The following GPC6 variants were observed in gnomAD, a reference collection of about 807,000 sequenced individuals.
GPC6 encodes glypican 6, also known as glypican-6.
GPC6 carries 14 observed loss-of-function variants against 55.2 expected under a neutral mutation model. The ratio of observed to expected loss-of-function variants is 0.25; its 90% CI spans 0.17 to 0.40. The LOEUF is 0.40. GPC6 is among the 10% of genes least tolerant of loss of function. GPC6 has a pLI of 1.00. For missense variants in GPC6, 641 were observed against 708.5 expected, an observed-to-expected ratio of 0.90 and a Z score of 1.08; for synonymous variants, 278 against 259.6, an observed-to-expected ratio of 1.07 and a Z score of -0.68.
chr13:93,489,163 G>T (rs1330028451), intron 1 of GPC6, among the ~76,000 whole-genome samples: 1 of 151,468 alleles, frequency 6.6e-6, no homozygotes, highest in African/African-American at 2.4e-5. Flanking sequence ...TGTAAGGAAA[G>T]GATCCAGTTT....
chr13:93,436,766 G>A (rs1594168387), intron 1 of GPC6, among the ~76,000 whole-genome samples: 1 of 152,156 alleles, frequency 6.6e-6, no homozygotes, highest in East Asian at 1.9e-4. Context: ...ACTGCAACAG[G>A]TCATATTCTA....
intron 1 of GPC6, among the ~76,000 whole-genome samples, chr13:93,362,194 T>C (rs1470303040): frequency 6.6e-6 from 1 of 152,190 alleles, no homozygotes; most frequent in Non-Finnish European, 1.5e-5. Context: ...GCAAGCTCAG[T>C]GGAAGCACTC....
At chr13:93,622,028 C>T (rs530629976) in intron 2 of GPC6, among the ~76,000 whole-genome samples, 37 of 152,214 alleles carry the variant, frequency 2.4e-4, no homozygotes, top group African/African-American at 8.7e-4. Context: ...ACCCAGACAC[C>T]CTTCCCAGCT....
At chr13:94,158,931 T>C (rs1002598795) in intron 4 of GPC6, among the ~76,000 whole-genome samples, 3 of 152,144 alleles carry the variant, frequency 2.0e-5, no homozygotes, top group Non-Finnish European at 4.4e-5. Flanking sequence ...TATCCCCCAA[T>C]ATTAATTCAC....
At chr13:93,766,084 T>C (rs1238966006) in intron 2 of GPC6, among the ~76,000 whole-genome samples, 2 of 152,190 alleles carry the variant, frequency 1.3e-5, no homozygotes, top group Non-Finnish European at 2.9e-5. Flanking sequence ...TTTGCAGTCA[T>C]GTGCAAAGAA....
intron 2 of GPC6, among the ~76,000 whole-genome samples, chr13:93,755,357 A>T (rs901111981): frequency 6.6e-6 from 1 of 152,164 alleles, no homozygotes; most frequent in Non-Finnish European, 1.5e-5. Flanking sequence ...CTGCAAAAAA[A>T]TCCACCACTT....
chr13:93,785,509 A>G (rs898628585), intron 2 of GPC6, among the ~76,000 whole-genome samples: 10 of 152,200 alleles, frequency 6.6e-5, no homozygotes, highest in African/African-American at 2.4e-4. Flanking sequence ...GATGGTACGT[A>G]GATCACGATT....
intron 1 of GPC6, among the ~76,000 whole-genome samples, chr13:93,374,736 A>C (rs941562842): frequency 6.6e-6 from 1 of 152,206 alleles, no homozygotes; most frequent in Admixed American, 6.5e-5. Context: ...AATTACTACT[A>C]TGGTAGCTAT....
At chr13:93,446,255 T>C (rs907522807) in intron 1 of GPC6, among the ~76,000 whole-genome samples, 33 of 152,142 alleles carry the variant, frequency 2.2e-4, no homozygotes, top group African/African-American at 7.7e-4. Flanking sequence ...CACTCAAAAG[T>C]GCTCAGAGAT....
chr13:94,032,801 G>A (rs1481927383), intron 4 of GPC6, among the ~76,000 whole-genome samples: 1 of 152,128 alleles, frequency 6.6e-6, no homozygotes, highest in East Asian at 1.9e-4. Flanking sequence ...TTTCAAACTT[G>A]CCAATTATTA....
At chr13:93,243,979 CCTGT>C (rs1409704189) in intron 1 of GPC6, among the ~76,000 whole-genome samples, 1 of 151,864 alleles carries the variant, frequency 6.6e-6, no homozygotes, top group Non-Finnish European at 1.5e-5. Context: ...CCTAAAAGGC[CCTGT>C]CTGTGTTCTG....
chr13:93,578,781 T>C (rs1876796610), intron 2 of GPC6, among the ~76,000 whole-genome samples: 1 of 152,020 alleles, frequency 6.6e-6, no homozygotes, highest in South Asian at 2.1e-4. Context: ...TTTTAGGTTA[T>C]TTATTTGAAA....
At chr13:94,247,056 T>C (rs972715077) in intron 4 of GPC6, among the ~76,000 whole-genome samples, 5 of 152,156 alleles carry the variant, frequency 3.3e-5, no homozygotes, top group African/African-American at 1.2e-4. Flanking sequence ...TGGGGTTTAA[T>C]GTACAGGTCT....
chr13:93,264,735 A>G (rs919213914), intron 1 of GPC6, among the ~76,000 whole-genome samples: 20 of 152,230 alleles, frequency 1.3e-4, no homozygotes, highest in African/African-American at 4.8e-4. Flanking sequence ...ATTACTTATA[A>G]TACCTAATAC....
intron 6 of GPC6, among the ~76,000 whole-genome samples, chr13:94,326,886 G>A (rs1877148930): frequency 1.3e-5 from 2 of 152,222 alleles, no homozygotes; most frequent in Non-Finnish European, 2.9e-5. Flanking sequence ...AATTAAGTCA[G>A]AGTAACTTGT....
At chr13:93,632,615 ATG>A (rs141057605) in intron 2 of GPC6, among the ~76,000 whole-genome samples, 1 of 109,700 alleles carries the variant, frequency 9.1e-6, no homozygotes, top group Non-Finnish European at 2.2e-5. Context: ...GTGTATATAT[ATG>A]TATATATATA....
chr13:93,973,336 A>G (rs1320024297), intron 3 of GPC6, among the ~76,000 whole-genome samples: 3 of 152,226 alleles, frequency 2.0e-5, no homozygotes, highest in Non-Finnish European at 4.4e-5. Flanking sequence ...TGGGATCACC[A>G]TAATATATGC....
chr13:93,219,681 A>G, the GPC6 span, among the ~76,000 whole-genome samples: 2 of 152,190 alleles, frequency 1.3e-5, no homozygotes, highest in Non-Finnish European at 2.9e-5. Context: ...TCTCAAATTA[A>G]AAGCTTTGAG....
intron 1 of GPC6, among the ~76,000 whole-genome samples, chr13:93,305,944 G>A (rs1388396206): frequency 6.6e-6 from 1 of 152,158 alleles, no homozygotes; most frequent in Admixed American, 6.5e-5. Context: ...AAACCAAAGA[G>A]CAGAAAGTGC....
Sources: allele counts gnomAD v4.1 joint callset (sites outside exome capture counted in the v4.1 genomes callset), GRCh38; gene constraint gnomAD v4.1.1; transcripts MANE v1.5; gene names NCBI Gene and HGNC (gene_info 2026-07-23, HGNC 2026-07-21).